The following ZBTB16 variants were observed in gnomAD, a reference collection of about 807,000 sequenced individuals.
ZBTB16 encodes zinc finger and BTB domain containing 16, also known as zinc finger and BTB domain-containing protein 16.
A neutral mutation model predicts 56.8 loss-of-function variants in ZBTB16; 8 were observed. The ratio of observed to expected loss-of-function variants is 0.14; its 90% CI spans 0.08 to 0.25. The LOEUF (loss-of-function observed/expected upper bound fraction) is 0.25. Ranked by LOEUF, ZBTB16 falls within the 10% of genes least tolerant of loss-of-function variation. ZBTB16 has a pLI of 1.00. For synonymous variants in ZBTB16, 363 were observed against 368.5 expected, an observed-to-expected ratio of 0.98 and a Z score of 0.17; for missense variants, 625 against 903.0, an observed-to-expected ratio of 0.69 and a Z score of 3.95.
intron 2 of ZBTB16, among the ~76,000 whole-genome samples, chr11:114,088,203 A>G (rs926510748): frequency 1.4e-5 from 2 of 139,760 alleles, no homozygotes; most frequent in African/African-American, 5.4e-5. Context: ...GTGTAGTGGC[A>G]TGAACTTGGC....
At chr11:114,129,333 C>G (rs995875528) in intron 2 of ZBTB16, among the ~76,000 whole-genome samples, 1 of 152,238 alleles carries the variant, frequency 6.6e-6, no homozygotes, top group Non-Finnish European at 1.5e-5. Flanking sequence ...GGCGCAGCCA[C>G]CGGAGCCGGC....
At chr11:114,069,699 T>C (rs1591636734) in intron 2 of ZBTB16, among the ~76,000 whole-genome samples, 1 of 152,256 alleles carries the variant, frequency 6.6e-6, no homozygotes, top group East Asian at 1.9e-4. Context: ...ACCTCTGATG[T>C]CAAACTAAAT....
At chr11:114,119,306 G>A (rs1358372097) in intron 2 of ZBTB16, among the ~76,000 whole-genome samples, 3 of 147,886 alleles carry the variant, frequency 2.0e-5, no homozygotes, top group South Asian at 2.2e-4. Context: ...TTTAGGGGGC[G>A]TTGTTAGGGG....
At position 114,255,490 on chromosome 11, in the gene ZBTB16, G is replaced by A. The variant is rs1591820235; in HGVS notation, c.*4935G>A. 8.3e-6 allele frequency among the ~76,000 whole-genome samples: 1 copy of A among 120,102 alleles called. No homozygotes were observed. The highest frequency in any genetic ancestry group is 1.6e-5 in the Non-Finnish European group (1 of 61,290). The allele number at this position is 120,102 out of a possible 152,430, so 78.8% of individuals were successfully genotyped here. A position where few individuals can be genotyped will look rare whatever the true frequency, so the allele number is the denominator to read the frequency against. ...TCTCCCGCCCTCCCCTCCTCCCTCTGGCTCCCCGTCTCATTTCTGTCCACT... is the reference window on the plus strand; with the variant it reads ...TCTCCCGCCCTCCCCTCCTCCCTCTAGCTCCCCGTCTCATTTCTGTCCACT... On this transcript the variant is annotated 3_prime_UTR_variant, in exon 7 of 7. Coordinates refer to ENST00000335953, the MANE Select transcript of ZBTB16 (RefSeq NM_006006.6).
chr11:114,113,489 T>C (rs1048912607), intron 2 of ZBTB16, among the ~76,000 whole-genome samples: 16 of 152,200 alleles, frequency 1.1e-4, no homozygotes, highest in Admixed American at 5.9e-4. Context: ...CTAAAAACCC[T>C]GTAATCATGA....
At chr11:114,107,536 A>G (rs1290921800) in intron 2 of ZBTB16, among the ~76,000 whole-genome samples, 1 of 152,176 alleles carries the variant, frequency 6.6e-6, no homozygotes, top group Non-Finnish European at 1.5e-5. Flanking sequence ...TCCAAAGAGC[A>G]TGATTTCTGA....
At chr11:114,102,462 C>G (rs238928) in intron 2 of ZBTB16, among the ~76,000 whole-genome samples, 1 of 151,892 alleles carries the variant, frequency 6.6e-6, no homozygotes, top group African/African-American at 2.4e-5. Flanking sequence ...CACTCTTCTC[C>G]TTCATCACAG....
At chr11:114,093,368 A>T (rs1487246361) in intron 2 of ZBTB16, among the ~76,000 whole-genome samples, 1 of 152,050 alleles carries the variant, frequency 6.6e-6, no homozygotes, top group African/African-American at 2.4e-5. Flanking sequence ...TCCCTGCTAC[A>T]GAAAGGCCAG....
intron 2 of ZBTB16, among the ~76,000 whole-genome samples, chr11:114,156,115 G>A (rs1342733630): frequency 1.3e-5 from 2 of 152,146 alleles, no homozygotes; most frequent in African/African-American, 2.4e-5. Flanking sequence ...GGTAAAGCCC[G>A]TGGACAAGAC....
At chr11:114,091,237 A>G (rs1458252032) in intron 2 of ZBTB16, among the ~76,000 whole-genome samples, 1 of 152,150 alleles carries the variant, frequency 6.6e-6, no homozygotes, top group East Asian at 1.9e-4. Flanking sequence ...AGTCCCAGCT[A>G]CTTGGGAGGC....
At chr11:114,235,213 G>A (rs542698537) in intron 4 of ZBTB16, among the ~76,000 whole-genome samples, 104 of 152,262 alleles carry the variant, frequency 6.8e-4, no homozygotes, top group African/African-American at 2.4e-3. Context: ...AAGCCCCTCC[G>A]GGGTACATGT....
chr11:114,092,378 A>AT (rs1310240182), intron 2 of ZBTB16, among the ~76,000 whole-genome samples: 1 of 152,124 alleles, frequency 6.6e-6, no homozygotes, highest in African/African-American at 2.4e-5. Context: ...CTTAAAACCT[A>AT]TTTTGTGGTC....
chr11:114,252,223 C>T lies in ZBTB16; in HGVS notation c.*1668C>T, dbSNP rs757743816. Among the ~76,000 whole-genome samples, 2 of 152,134 alleles carry T rather than the reference C, an allele frequency of 1.3e-5. No individual in the cohort carries two copies. Among genetic ancestry groups the T allele is most frequent in the Admixed American group, 6.5e-5 (1 of 15,268 alleles). ...AGTCACCTGTGGCCACCATCCGTTC[C>T]GCCTAAAACACTCTGGAGAGAATCC... On this transcript the variant is annotated 3_prime_UTR_variant, in exon 7 of 7. Transcript: ENST00000335953.
rs1944985006 is a variant in ZBTB16 at position 114,255,458 on chromosome 11, A to G, written c.*4903A>G. Among the ~76,000 whole-genome samples the G allele has an allele frequency of 6.9e-6, 1 of 145,830 alleles. No homozygotes were observed. Among genetic ancestry groups the G allele is most frequent in the South Asian group, 2.2e-4 (1 of 4,584 alleles). On this transcript the variant is annotated 3_prime_UTR_variant, in exon 7 of 7. Transcript: ENST00000335953. ...CCCACCTCTCACCCTTGCCCTCTCC[A>G]TCTCCCTCTCCCGCCCTCCCCTCCT...
intron 2 of ZBTB16, among the ~76,000 whole-genome samples, chr11:114,103,489 C>T (rs1426190301): frequency 6.6e-6 from 1 of 152,060 alleles, no homozygotes; most frequent in Non-Finnish European, 1.5e-5. Context: ...AGAGTCTCTA[C>T]CTACATTTGT....
intron 4 of ZBTB16, among the ~76,000 whole-genome samples, chr11:114,233,733 A>G (rs1944504722): frequency 6.6e-6 from 1 of 150,844 alleles, no homozygotes; most frequent in African/African-American, 2.4e-5. Flanking sequence ...CATTCATGTT[A>G]CTTTTATTGT....
intron 3 of ZBTB16, among the ~76,000 whole-genome samples, chr11:114,160,130 CT>C (rs1430923997): frequency 1.3e-5 from 2 of 152,200 alleles, no homozygotes; most frequent in Non-Finnish European, 2.9e-5. Context: ...CCCACCCCCT[CT>C]TGGCGAGCAT....
chr11:114,120,898 T>C (rs1941322173), intron 2 of ZBTB16, among the ~76,000 whole-genome samples: 1 of 152,194 alleles, frequency 6.6e-6, no homozygotes, highest in African/African-American at 2.4e-5. Context: ...TTTTGGACTC[T>C]GTGTTCCCTC....
At chr11:114,065,506 T>C (rs1039624034) in intron 2 of ZBTB16, among the ~76,000 whole-genome samples, 4 of 152,170 alleles carry the variant, frequency 2.6e-5, no homozygotes, top group African/African-American at 9.7e-5. Flanking sequence ...AACCTCTGCA[T>C]CCCGGGTTAA....
Sources: gnomAD v4.1 joint callset for allele counts (sites outside exome capture counted in the v4.1 genomes callset) on GRCh38, gnomAD v4.1.1 for gene constraint, MANE v1.5 for transcripts, NCBI Gene and HGNC (gene_info 2026-07-23, HGNC 2026-07-21) for gene names.